The following MBP variants were observed in gnomAD, a reference collection of about 807,000 sequenced individuals.
MBP encodes the protein myelin basic protein.
In MBP, 16 loss-of-function variants were observed where a neutral mutation model predicts 35.8. The observed-to-expected ratio is 0.45, with a 90% CI of 0.30 to 0.68. The LOEUF (loss-of-function observed/expected upper bound fraction) is 0.68. Among genes scored for constraint, MBP ranks in the 30% least tolerant of loss-of-function variants. The pLI, the probability that MBP is intolerant of heterozygous loss-of-function variation, is 0.08. For missense variants in MBP, 380 were observed against 404.7 expected, an observed-to-expected ratio of 0.94 and a Z score of 0.52; for synonymous variants, 143 against 159.6, an observed-to-expected ratio of 0.90 and a Z score of 0.78.
At position 77,020,162 on chromosome 18, in the gene MBP, C is replaced by G. The variant is rs113151813; in HGVS notation, c.140-2894G>C. On this transcript the variant is annotated intron_variant, in intron 3 of 8. Transcript: ENST00000355994. This position sits in a 1 kb window ranked among gnomAD's most constrained non-coding sequence, Gnocchi z 4.1. ...TGGTGGTACCCAGAGGCCGGGGGCA[C>G]CTTGGCTTCCATCCTGAGCAATTGG... is the stretch of plus-strand genomic sequence containing the variant. Among the ~76,000 whole-genome samples, 81 of 152,134 alleles carry G rather than the reference C, an allele frequency of 5.3e-4. No individual in the cohort carries two copies. The highest frequency in any genetic ancestry group is 1.9e-3 in the African/African-American group (79 of 41,484).
At chr18:77,033,631 T>C (rs1972622006) in intron 3 of MBP, among the ~76,000 whole-genome samples, 1 of 151,032 alleles carries the variant, frequency 6.6e-6, no homozygotes. Context: ...ACTAGTCCAC[T>C]CATCTATTCG....
At chr18:77,099,090 G>A (rs1975893694) in intron 2 of MBP, among the ~76,000 whole-genome samples, 1 of 152,114 alleles carries the variant, frequency 6.6e-6, no homozygotes, top group South Asian at 2.1e-4. Flanking sequence ...CATTGGACCT[G>A]TAAGCATCTC....
At chr18:77,057,578 A>G (rs1203266474) in intron 3 of MBP, among the ~76,000 whole-genome samples, 1 of 152,192 alleles carries the variant, frequency 6.6e-6, no homozygotes, top group African/African-American at 2.4e-5. Flanking sequence ...ACAAGGAGAG[A>G]GGAGCTCCCG....
At chr18:76,985,090 G>A (rs1348286248) in intron 7 of MBP, 196 bp from the exon 8 acceptor site, 2 of 1,515,876 alleles carry the variant, frequency 1.3e-6, no homozygotes, top group Non-Finnish European at 1.8e-6. Context: ...GTCTACCAGG[G>A]TGTTGGCCGC....
intron 3 of MBP, among the ~76,000 whole-genome samples, chr18:77,053,289 C>A (rs919250043): frequency 1.6e-4 from 25 of 152,244 alleles, no homozygotes; most frequent in African/African-American, 5.8e-4. Context: ...GGCCCCACTG[C>A]AGGTCCAGCC....
intron 8 of MBP, chr18:76,981,738 G>T (rs923981161): frequency 1.3e-5 from 2 of 152,258 alleles, no homozygotes; most frequent in Non-Finnish European, 2.9e-5. Flanking sequence ...CCTGCCCCTC[G>T]AGGGCCAGCC....
Position 77,029,761 on chromosome 18 carries a change from G to T in MBP, c.140-12493C>A, listed in dbSNP as rs903159651. 3.3e-5 allele frequency among the ~76,000 whole-genome samples: 5 copies of T among 150,258 alleles called. No individual in the cohort carries two copies. The Admixed American group carries it at 3.4e-4, about 10-fold the overall frequency. Reference sequence around the variant, plus strand: ...TTTTGGTTAGTTTTGAGTGTTCTATGTTCCCATAAAATGACCACACACACA... The same window carrying T: ...TTTTGGTTAGTTTTGAGTGTTCTATTTTCCCATAAAATGACCACACACACA... On this transcript the variant is annotated intron_variant, in intron 3 of 8. Coordinates refer to ENST00000355994, the MANE Select transcript of MBP (RefSeq NM_001025101.2).
intron 4 of MBP, chr18:77,016,613 A>G (rs117900820): frequency 8.5e-6 from 12 of 1,408,150 alleles, no homozygotes; most frequent in Non-Finnish European, 1.0e-5. Context: ...CCCGGCCACC[A>G]TCCCTTGTGA....
intron 8 of MBP, chr18:76,981,390 CA>C (rs1321933264): frequency 6.6e-6 from 1 of 152,230 alleles, no homozygotes; most frequent in Non-Finnish European, 1.5e-5. Context: ...ACACTGTCCT[CA>C]TCTAATTCTA....
intron 3 of MBP, among the ~76,000 whole-genome samples, chr18:77,052,328 CG>C (rs942571157): frequency 3.3e-5 from 5 of 152,108 alleles, no homozygotes; most frequent in African/African-American, 1.2e-4. Flanking sequence ...GCATCCCGAT[CG>C]GGGGGGTAAG....
At chr18:77,121,942 T>TTTG (rs1482236852) in intron 1 of MBP, among the ~76,000 whole-genome samples, 1 of 152,316 alleles carries the variant, frequency 6.6e-6, no homozygotes, top group East Asian at 1.9e-4. Flanking sequence ...TGTGAGAGTC[T>TTTG]TTGTTGTTGT....
intron 1 of MBP, chr18:77,114,286 GT>G (rs1210841820): frequency 4.6e-5 from 7 of 152,228 alleles, no homozygotes; most frequent in African/African-American, 1.7e-4. Flanking sequence ...AAATCTGACT[GT>G]GGTCCCTTGA....
intron 3 of MBP, among the ~76,000 whole-genome samples, chr18:77,042,387 T>A (rs1799445497): frequency 6.6e-6 from 1 of 152,192 alleles, no homozygotes; most frequent in South Asian, 2.1e-4. Context: ...TGGCACCCTT[T>A]CTCTTAGCTG....
chr18:77,097,615 T>C (rs1037228939), intron 2 of MBP: 4 of 152,204 alleles, frequency 2.6e-5, no homozygotes, highest in Non-Finnish European at 5.9e-5. Flanking sequence ...TGTTAATAAA[T>C]TGCAGCCTCA....
chr18:77,058,257 C>T (rs1032144067), intron 3 of MBP, among the ~76,000 whole-genome samples: 3 of 152,150 alleles, frequency 2.0e-5, no homozygotes, highest in Admixed American at 2.0e-4. Flanking sequence ...TGCGGGGATG[C>T]CGAGCGCTCC....
At chr18:77,032,538 G>T (rs1972582433) in intron 3 of MBP, among the ~76,000 whole-genome samples, 1 of 152,244 alleles carries the variant, frequency 6.6e-6, no homozygotes, top group Admixed American at 6.5e-5. Flanking sequence ...GGAGGGTGGG[G>T]ACGGGGTCGG....
intron 2 of MBP, among the ~76,000 whole-genome samples, chr18:77,100,535 G>T (rs1259806455): frequency 1.0e-4 from 11 of 106,654 alleles, no homozygotes; most frequent in African/African-American, 3.0e-4. Context: ...GTGTGTGTGT[G>T]TGTGTGTGTG....
At position 77,105,294 on chromosome 18, in the gene MBP, A is replaced by G; in HGVS notation, c.-25-8T>C. ...GGATTGGCTCTTCAGAGGCTAAAAG[A>G]GAAAGAGAAAGTGTCAGCCCTAAGT... On this transcript the variant is annotated splice_polypyrimidine_tract_variant and splice_region_variant and intron_variant, in intron 1 of 8. Transcript: ENST00000355994. 6.4e-7 allele frequency: 1 copy of G among 1,573,208 alleles called. No homozygotes were observed. Among genetic ancestry groups the G allele is most frequent in the Non-Finnish European group, 8.7e-7 (1 of 1,143,618 alleles).
chr18:77,023,536 A>T (rs470921), intron 3 of MBP, among the ~76,000 whole-genome samples: 1 of 152,084 alleles, frequency 6.6e-6, no homozygotes, highest in African/African-American at 2.4e-5. Context: ...CACTGCCTGC[A>T]CAACCGCTGG....
Sources: gnomAD v4.1 joint callset for allele counts (sites outside exome capture counted in the v4.1 genomes callset) on GRCh38, gnomAD v4.1.1 for gene constraint, Gnocchi (gnomAD v3.1) non-coding constraint, MANE v1.5 for transcripts, NCBI Gene and HGNC (gene_info 2026-07-23, HGNC 2026-07-21) for gene names.